ARHGEF38: variants seen among roughly 807,000 people sequenced by gnomAD.
The protein encoded by ARHGEF38 is Rho guanine nucleotide exchange factor (GEF) 38.
Under a neutral mutation model 79.9 loss-of-function variants are expected in ARHGEF38, and 79 were observed. The observed-to-expected ratio is 0.99, with a 90% CI of 0.82 to 1.19. The LOEUF is 1.19. Ranked by LOEUF, ARHGEF38 falls within the 50% of genes most tolerant of loss-of-function variation. ARHGEF38 has a pLI of 0.00. For synonymous variants in ARHGEF38, 366 were observed against 328.3 expected, an observed-to-expected ratio of 1.11 and a Z score of -1.24; for missense variants, 962 against 907.2, an observed-to-expected ratio of 1.06 and a Z score of -0.78.
intron 2 of ARHGEF38, among the ~76,000 whole-genome samples, chr4:105,603,617 G>A (rs1222191979): frequency 6.6e-6 from 1 of 151,834 alleles, no homozygotes; most frequent in Non-Finnish European, 1.5e-5. Context: ...CCTGAGCCCC[G>A]AGGCATCCAG....
intron 3 of ARHGEF38, among the ~76,000 whole-genome samples, chr4:105,621,521 C>G (rs1728733478): frequency 6.6e-6 from 1 of 152,158 alleles, no homozygotes; most frequent in African/African-American, 2.4e-5. Flanking sequence ...TTAGAGCTTT[C>G]TGTTCTTTGA....
At chr4:105,584,844 T>C (rs1192414894) in intron 1 of ARHGEF38, among the ~76,000 whole-genome samples, 1 of 152,162 alleles carries the variant, frequency 6.6e-6, no homozygotes, top group Non-Finnish European at 1.5e-5. Flanking sequence ...AAGCAAAACG[T>C]GGCTATCAGT....
intron 13 of ARHGEF38, among the ~76,000 whole-genome samples, chr4:105,676,814 T>A (rs1731139198): frequency 6.6e-6 from 1 of 152,088 alleles, no homozygotes; most frequent in African/African-American, 2.4e-5. Flanking sequence ...AAAATGAAAA[T>A]CAGCTATAAT....
intron 13 of ARHGEF38, among the ~76,000 whole-genome samples, chr4:105,668,939 G>A (rs1334930591): frequency 6.6e-6 from 1 of 152,172 alleles, no homozygotes; most frequent in Non-Finnish European, 1.5e-5. Context: ...CCAGCTACTG[G>A]AGAGGCTGGG....
chr4:105,592,377 C>T (rs1727380369), intron 2 of ARHGEF38, among the ~76,000 whole-genome samples: 1 of 151,932 alleles, frequency 6.6e-6, no homozygotes, highest in Non-Finnish European at 1.5e-5. Context: ...TCTCTGATGC[C>T]CAAGCCTACT....
intron 10 of ARHGEF38, among the ~76,000 whole-genome samples, chr4:105,659,836 G>A (rs1730490414): frequency 6.8e-6 from 1 of 147,050 alleles, no homozygotes; most frequent in Admixed American, 6.8e-5. Flanking sequence ...CCCCAAGAAA[G>A]AGAAGCCTGG....
chr4:105,674,185 G>A (rs998230830), intron 13 of ARHGEF38, among the ~76,000 whole-genome samples: 5 of 152,064 alleles, frequency 3.3e-5, no homozygotes, highest in African/African-American at 1.2e-4. Context: ...TAAGCAGTGG[G>A]TAATAAATTA....
At chr4:105,630,288 C>G (rs1484200255) in intron 3 of ARHGEF38, among the ~76,000 whole-genome samples, 2 of 150,534 alleles carry the variant, frequency 1.3e-5, no homozygotes, top group Non-Finnish European at 2.9e-5. Flanking sequence ...TGCTCTGTCA[C>G]CCAGGCTGGA....
At chr4:105,603,333 T>C (rs1727903483) in intron 2 of ARHGEF38, among the ~76,000 whole-genome samples, 2 of 152,130 alleles carry the variant, frequency 1.3e-5, no homozygotes, top group South Asian at 4.1e-4. Flanking sequence ...AGCTGGAATG[T>C]GGCTCCTCCT....
chr4:105,590,097 AGG>A (rs1727258138), intron 2 of ARHGEF38, among the ~76,000 whole-genome samples: 5 of 140,812 alleles, frequency 3.6e-5, no homozygotes, highest in African/African-American at 1.5e-4. Context: ...GAAGGAAGGA[AGG>A]AAGGAAGGAA....
chr4:105,627,594 T>G (rs1729001020), intron 3 of ARHGEF38, among the ~76,000 whole-genome samples: 1 of 152,182 alleles, frequency 6.6e-6, no homozygotes, highest in Non-Finnish European at 1.5e-5. Flanking sequence ...ATGCAGAAAT[T>G]CTTGGGTTGT....
chr4:105,564,806 A>C (rs1402927051), intron 1 of ARHGEF38, among the ~76,000 whole-genome samples: 1 of 152,208 alleles, frequency 6.6e-6, no homozygotes, highest in Admixed American at 6.5e-5. Flanking sequence ...AAATATTTGA[A>C]GATATTTATT....
At chr4:105,614,948 T>C (rs115248019) in intron 3 of ARHGEF38, among the ~76,000 whole-genome samples, 1 of 152,160 alleles carries the variant, frequency 6.6e-6, no homozygotes, top group Non-Finnish European at 1.5e-5. Flanking sequence ...CTGCAAACCT[T>C]GGAGGATAAA....
Position 105,577,001 on chromosome 4 carries a change from G to A in ARHGEF38, c.197-12247G>A, listed in dbSNP as rs1726534997. ...TGGTGTATTACCTTTTTGATTTGCTGTTAGATTCAGCTAGCTAGTATTTTA... is the reference window on the plus strand; with the variant it reads ...TGGTGTATTACCTTTTTGATTTGCTATTAGATTCAGCTAGCTAGTATTTTA... On this transcript the variant is annotated intron_variant, in intron 1 of 13. Coordinates refer to ENST00000420470, the MANE Select transcript of ARHGEF38 (RefSeq NM_001242729.2). 2.6e-5 allele frequency among the ~76,000 whole-genome samples: 4 copies of A among 151,870 alleles called. No homozygotes were observed. In the South Asian group the frequency reaches 8.3e-4, roughly 32 times the overall value.
At chr4:105,657,316 G>A (rs1312095852) in intron 9 of ARHGEF38, among the ~76,000 whole-genome samples, 1 of 152,052 alleles carries the variant, frequency 6.6e-6, no homozygotes, top group Non-Finnish European at 1.5e-5. Context: ...TGCATACCTT[G>A]CATAAAACCA....
At chr4:105,585,003 G>A (rs1389603301) in intron 1 of ARHGEF38, among the ~76,000 whole-genome samples, 1 of 152,068 alleles carries the variant, frequency 6.6e-6, no homozygotes, top group African/African-American at 2.4e-5. Context: ...ACTTTCCTCC[G>A]AAAGCAGCAT....
chr4:105,665,493 A>G lies in ARHGEF38; in HGVS notation c.1546-684A>G, dbSNP rs573433943. ...GCCTGAAAAAAAAAATTTTTTTTTTAGTAGTGACTAGTTGCCCAGGCTGGT... is the reference window on the plus strand; with the variant it reads ...GCCTGAAAAAAAAAATTTTTTTTTTGGTAGTGACTAGTTGCCCAGGCTGGT... On this transcript the variant is annotated intron_variant, in intron 10 of 13. Transcript: ENST00000420470. 8.6e-5 allele frequency among the ~76,000 whole-genome samples: 13 copies of G among 151,862 alleles called. No homozygotes were observed. In the South Asian group the frequency reaches 2.7e-3, roughly 31 times the overall value.
In ARHGEF38 at chr4:105,679,919, T is replaced by C; in HGVS notation, c.*1982T>C. The stretch of plus-strand genomic sequence containing the variant: ...CACATTGGTTGCCACCAAAACTTTA[T>C]AATTACCTCTCTGAAGCCTTTTAGT... On this transcript the variant is annotated 3_prime_UTR_variant, in exon 14 of 14. Transcript: ENST00000420470. The C allele has an allele frequency of 7.1e-7, 1 of 1,401,264 alleles. No homozygotes were observed. Among genetic ancestry groups the C allele is most frequent in the Non-Finnish European group, 1.0e-6 (1 of 990,766 alleles). 86.8% of individuals were successfully genotyped at this position (1,401,264 alleles called of 1,614,324 possible).
Position 105,645,264 on chromosome 4 carries a change from C to T in ARHGEF38, c.751C>T (p.Leu251=), listed in dbSNP as rs1276643761. ...ACGTGTGATGAAATACCCCCTATTA[C>T]TGTGCGAACTTCGGAATTCCACCCC... is the stretch of plus-strand genomic sequence containing the variant. ...IQRVMKYPLL[L]CELRNSTPPS... Residue 251 remains leucine (L), a synonymous_variant, in exon 6 of 14, where the codon CTG becomes TTG. Coordinates refer to ENST00000420470, the MANE Select transcript of ARHGEF38 (RefSeq NM_001242729.2). The T allele has an allele frequency of 2.6e-6, 4 of 1,536,520 alleles. No homozygotes were observed. In the African/African-American group the frequency reaches 5.5e-5, roughly 21 times the overall value.
Sources: gnomAD v4.1 joint callset for allele counts (sites outside exome capture counted in the v4.1 genomes callset) on GRCh38, gnomAD v4.1.1 for gene constraint, MANE v1.5 for transcripts, NCBI Gene and HGNC (gene_info 2026-07-23, HGNC 2026-07-21) for gene names.